MKRN1: variants seen among roughly 807,000 people sequenced by gnomAD.
MKRN1 encodes makorin ring finger protein 1.
A neutral mutation model predicts 55.5 loss-of-function variants in MKRN1; 9 were observed. That is an observed-to-expected ratio of 0.16 (90% CI 0.10 to 0.28). The LOEUF (loss-of-function observed/expected upper bound fraction) is 0.28. Ranked by LOEUF, MKRN1 falls within the 10% of genes least tolerant of loss-of-function variation. The pLI is 1.00. For synonymous variants in MKRN1, 253 were observed against 235.9 expected, an observed-to-expected ratio of 1.07 and a Z score of -0.66; for missense variants, 488 against 626.7, an observed-to-expected ratio of 0.78 and a Z score of 2.36.
At chr7:140,478,359 A>G (rs965295782) in intron 1 of MKRN1, 7 of 152,208 alleles carry the variant, frequency 4.6e-5, no homozygotes, top group African/African-American at 9.7e-5. Context: ...TTCGTCTCGC[A>G]TATCAAACCA....
chr7:140,469,258 G>A (rs546061546), intron 2 of MKRN1, among the ~76,000 whole-genome samples: 4 of 151,838 alleles, frequency 2.6e-5, no homozygotes, highest in South Asian at 2.1e-4. Flanking sequence ...CCCGGGAGGC[G>A]GAGCTTGCAG....
At position 140,479,428 on chromosome 7, in the gene MKRN1, C is replaced by T; in HGVS notation, c.-84G>A. 1.6e-6 allele frequency: 2 copies of T among 1,236,926 alleles called. No homozygotes were observed. Among genetic ancestry groups the T allele is most frequent in the Non-Finnish European group, 2.0e-6 (2 of 982,002 alleles). The allele number at this position is 1,236,926 out of a possible 1,614,324, so 76.6% of individuals were successfully genotyped here. A position where few individuals can be genotyped will look rare whatever the true frequency, so the allele number is the denominator to read the frequency against. On this transcript the variant is annotated 5_prime_UTR_variant, in exon 1 of 8. Coordinates refer to ENST00000255977, the MANE Select transcript of MKRN1 (RefSeq NM_013446.4). ...CGGCTGCGGGGAGAGGACGGCGAGGCCAGGCGAGGGGAGGGGAAGGACACT... is the reference window on the plus strand; with the variant it reads ...CGGCTGCGGGGAGAGGACGGCGAGGTCAGGCGAGGGGAGGGGAAGGACACT...
At chr7:140,479,027 G>A (rs1795208969) in intron 1 of MKRN1, 133 bp downstream of exon 1, 1 of 1,107,768 alleles carries the variant, frequency 9.0e-7, no homozygotes, top group South Asian at 4.2e-5. Flanking sequence ...GAGGGCTGCA[G>A]AGATCGAGAC....
At chr7:140,472,126 A>C in intron 1 of MKRN1, 115 bp from the exon 2 acceptor site, 2 of 1,407,390 alleles carry the variant, frequency 1.4e-6, no homozygotes, top group Non-Finnish European at 1.9e-6. Context: ...TACGAAATAA[A>C]CACAAAGAAA....
intron 2 of MKRN1, among the ~76,000 whole-genome samples, chr7:140,469,819 G>T (rs1447768892): frequency 6.6e-6 from 1 of 152,064 alleles, no homozygotes; most frequent in East Asian, 1.9e-4. Flanking sequence ...AGCACTTTGG[G>T]AGGCTGGTGT....
chr7:140,454,979 C>G, intron 7 of MKRN1, 116 bp downstream of exon 7: 1 of 1,415,594 alleles, frequency 7.1e-7, no homozygotes, highest in Non-Finnish European at 9.6e-7. Context: ...CTTTAATACT[C>G]TACACTTTCG....
chr7:140,456,792 C>G lies in MKRN1; in HGVS notation c.846G>C (p.Gly282=). The G allele has an allele frequency of 1.2e-6, 2 of 1,614,008 alleles. No individual in the cohort carries two copies. Among genetic ancestry groups the G allele is most frequent in the Non-Finnish European group, 1.7e-6 (2 of 1,179,920 alleles). Residue 282 remains glycine, a synonymous_variant, in exon 5 of 8, where the codon GGG becomes GGC. Transcript: ENST00000255977. ...TCTCATAGACCACCTCCATGCAGAT[C>G]CCACACACCATGTCCTTGCTGCGCT... ...AVQRSKDMVC[G]ICMEVVYEKA... is the part of the protein sequence containing the mutation.
chr7:140,463,620 T>A (rs1007946231), intron 2 of MKRN1, among the ~76,000 whole-genome samples: 1 of 152,144 alleles, frequency 6.6e-6, no homozygotes, highest in Non-Finnish European at 1.5e-5. Flanking sequence ...ACGCGGTGGC[T>A]CACGCCTGTA....
chr7:140,455,706 G>A (rs1262353904), intron 6 of MKRN1, 84 bp downstream of exon 6: 3 of 1,070,406 alleles, frequency 2.8e-6, no homozygotes, highest in African/African-American at 3.1e-5. Context: ...GGAGGTAGGA[G>A]TGTATAATGC....
At chr7:140,474,809 C>A (rs947922862) in intron 1 of MKRN1, among the ~76,000 whole-genome samples, 2 of 151,338 alleles carry the variant, frequency 1.3e-5, no homozygotes, top group Non-Finnish European at 2.9e-5. Context: ...GCCTCTGCCT[C>A]TTGGGATCAA....
At chr7:140,472,227 C>T (rs1794949343) in intron 1 of MKRN1, 5 of 531,846 alleles carry the variant, frequency 9.4e-6, no homozygotes, top group South Asian at 2.1e-5. Flanking sequence ...CTAAGACCAG[C>T]GGTTCGAGAC....
At chr7:140,473,452 A>G (rs1365347376) in intron 1 of MKRN1, 1 of 242,948 alleles carries the variant, frequency 4.1e-6, no homozygotes, top group East Asian at 1.3e-4. Context: ...AGGGTACAAG[A>G]GAACCAAACA....
intron 2 of MKRN1, among the ~76,000 whole-genome samples, chr7:140,462,603 T>C (rs184043997): frequency 1.4e-3 from 206 of 150,920 alleles, no homozygotes; most frequent in Non-Finnish European, 2.3e-3. Flanking sequence ...GAGGTGTGGG[T>C]GGATTGCCTG....
At chr7:140,456,936 T>C in intron 4 of MKRN1, 70 bp from the exon 5 acceptor site, 2 of 1,416,968 alleles carry the variant, frequency 1.4e-6, no homozygotes, top group Non-Finnish European at 1.9e-6. Flanking sequence ...CAACAGTTAA[T>C]GATTCACAGT....
rs1794375614 is a variant in MKRN1 at position 140,453,128 on chromosome 7, ATTAT to A, written c.*1385_*1388del. 6.6e-6 allele frequency: 1 copy of A among 152,580 alleles called. No homozygotes were observed. The highest frequency in any genetic ancestry group is 2.4e-5 in the African/African-American group (1 of 41,432). 9.5% of individuals were successfully genotyped at this position (152,580 alleles called of 1,614,324 possible). A position where few individuals can be genotyped will look rare whatever the true frequency, so the allele number is the denominator to read the frequency against. The stretch of plus-strand genomic sequence containing the variant: ...GCAAAATACAGAGACCTCTGCAACA[ATTAT>A]TTGTTTTTTCTTAAAGTGAAAGAAT... On this transcript the variant is annotated 3_prime_UTR_variant, in exon 8 of 8. Coordinates refer to ENST00000255977, the MANE Select transcript of MKRN1 (RefSeq NM_013446.4).
At chr7:140,458,841 T>C (rs906162670) in intron 4 of MKRN1, among the ~76,000 whole-genome samples, 166 bp downstream of exon 4, 5 of 152,166 alleles carry the variant, frequency 3.3e-5, no homozygotes, top group African/African-American at 1.2e-4. Flanking sequence ...ACTGGAAATA[T>C]GACTTCTTGA....
In MKRN1 at chr7:140,459,183, C is replaced by T; in HGVS notation, c.595G>A (p.Glu199Lys). Reference protein sequence around the residue: ...APLQGSVTKEESEKEQTAVET... With the variant: ...APLQGSVTKEKSEKEQTAVET... ...ACGGCGGTTTGCTCTTTCTCTGATT[C>T]TTCCTTGGTCACTGAGCCCTGCAGG... The change falls in exon 4 of 8, where the codon GAA (glutamate) becomes AAA (lysine). Residue 199 changes from glutamate (E) to lysine (K), a missense_variant. Glu to Lys is a moderately conservative substitution (Grantham distance 56). Coordinates refer to ENST00000255977, the MANE Select transcript of MKRN1 (RefSeq NM_013446.4). 1 of 1,613,940 alleles carries T rather than the reference C, an allele frequency of 6.2e-7. No individual in the cohort carries two copies. Among genetic ancestry groups the T allele is most frequent in the East Asian group, 2.2e-5 (1 of 44,878 alleles).
Position 140,453,187 on chromosome 7 carries a change from A to G in MKRN1, c.*1330T>C, listed in dbSNP as rs1412463434. ...GGGATCCAAGGAATCAAAGCAGTAG[A>G]TGGACAAACCAGGAGCATCCCCGAG... is the stretch of plus-strand genomic sequence containing the variant. On this transcript the variant is annotated 3_prime_UTR_variant, in exon 8 of 8. Coordinates refer to ENST00000255977, the MANE Select transcript of MKRN1 (RefSeq NM_013446.4). 5.2e-5 allele frequency: 8 copies of G among 152,604 alleles called. No individual in the cohort carries two copies. The highest frequency in any genetic ancestry group is 3.3e-4 in the Admixed American group (5 of 15,266). 9.5% of individuals were successfully genotyped at this position (152,604 alleles called of 1,614,324 possible).
At position 140,464,336 on chromosome 7, in the gene MKRN1, T is replaced by A. The variant is rs2130294933; in HGVS notation, c.315-4400A>T. 1.3e-5 allele frequency among the ~76,000 whole-genome samples: 2 copies of A among 151,960 alleles called. 1 individual carries two copies. Among genetic ancestry groups the A allele is most frequent in the South Asian group, 4.2e-4 (2 of 4,814 alleles). ...GGAGGATTACTTGAGCCCAGGAATT[T>A]GAGGCTATAGTGAGTCACGATCACA... On this transcript the variant is annotated intron_variant, in intron 2 of 7. Coordinates refer to ENST00000255977, the MANE Select transcript of MKRN1 (RefSeq NM_013446.4).
Sources: gnomAD v4.1 joint callset for allele counts (sites outside exome capture counted in the v4.1 genomes callset) on GRCh38, gnomAD v4.1.1 for gene constraint, MANE v1.5 for transcripts, NCBI Gene and HGNC (gene_info 2026-07-23, HGNC 2026-07-21) for gene names.